ZMYND8: variants seen among roughly 807,000 people sequenced by gnomAD.
ZMYND8 encodes MYND-type zinc finger-containing chromatin reader ZMYND8.
In ZMYND8, 37 loss-of-function variants were observed where a neutral mutation model predicts 140.8. That is an observed-to-expected ratio of 0.26 (90% CI 0.20 to 0.35). The LOEUF is 0.35. ZMYND8 is among the 10% of genes least tolerant of loss of function. The pLI is 1.00. For missense variants in ZMYND8, 1,068 were observed against 1,570.0 expected (o/e 0.68, Z 5.40); for synonymous variants, 592 against 597.1 (o/e 0.99, Z 0.12).
intron 2 of ZMYND8, among the ~76,000 whole-genome samples, chr20:47,339,983 C>G (rs2081709008): frequency 6.6e-6 from 1 of 151,962 alleles, no homozygotes; most frequent in Admixed American, 6.6e-5. Context: ...CACTCTGTCA[C>G]CCAGGCTGGA....
chr20:47,248,975 G>GAAA (rs1568987242), intron 13 of ZMYND8, among the ~76,000 whole-genome samples: 1 of 151,616 alleles, frequency 6.6e-6, no homozygotes, highest in South Asian at 2.1e-4. Context: ...GATGCGTACT[G>GAAA]AGGAGAGCAG....
chr20:47,243,839 C>T (rs914056022), intron 14 of ZMYND8, among the ~76,000 whole-genome samples: 3 of 152,156 alleles, frequency 2.0e-5, no homozygotes, highest in South Asian at 2.1e-4. Context: ...AATATTCCTA[C>T]GATCCTCATG....
chr20:47,213,855 G>A (rs1291655089), intron 21 of ZMYND8, among the ~76,000 whole-genome samples: 1 of 152,204 alleles, frequency 6.6e-6, no homozygotes, highest in African/African-American at 2.4e-5. Flanking sequence ...GTATAGCCAA[G>A]TACATTATTT....
chr20:47,318,529 G>C (rs1180418449), intron 2 of ZMYND8: 4 of 359,832 alleles, frequency 1.1e-5, no homozygotes, highest in Non-Finnish European at 2.2e-5. Context: ...CAGGAGCAAA[G>C]GTTGGGGGTG....
chr20:47,307,591 TG>T (rs1194076806), intron 3 of ZMYND8, among the ~76,000 whole-genome samples: 3 of 151,984 alleles, frequency 2.0e-5, no homozygotes, highest in Admixed American at 6.6e-5. Flanking sequence ...GAGGGTAGGC[TG>T]GGCACAGTGG....
At chr20:47,265,215 G>A (rs761021) in intron 11 of ZMYND8, among the ~76,000 whole-genome samples, 40,864 of 151,682 alleles carry the variant, frequency 0.27, 7,449 homozygotes, top group African/African-American at 0.52. Context: ...ATTAAAGACC[G>A]GGGCTTCTCT....
At chr20:47,348,169 T>C in intron 1 of ZMYND8, 1 of 521,256 alleles carries the variant, frequency 1.9e-6, no homozygotes, top group Non-Finnish European at 3.5e-6. Context: ...GTCATGCTAT[T>C]GGGGAATGCA....
intron 12 of ZMYND8, among the ~76,000 whole-genome samples, chr20:47,254,952 C>T (rs1244378813): frequency 6.6e-6 from 1 of 152,070 alleles, no homozygotes; most frequent in East Asian, 1.9e-4. Context: ...CACGGTGAAA[C>T]CCCGTCTCTA....
chr20:47,322,926 G>A (rs938215357), intron 2 of ZMYND8, among the ~76,000 whole-genome samples: 10 of 152,158 alleles, frequency 6.6e-5, no homozygotes, highest in East Asian at 1.9e-4. Context: ...ATTGGCCAAC[G>A]TCAACACAGC....
chr20:47,280,121 C>A (rs902794217), intron 10 of ZMYND8, among the ~76,000 whole-genome samples: 1 of 123,486 alleles, frequency 8.1e-6, no homozygotes, highest in Non-Finnish European at 1.7e-5. Flanking sequence ...CAAGACTCTG[C>A]TCCAAAAAAA....
rs749490002 is a variant in ZMYND8 at position 47,249,377 on chromosome 20, G to A, written c.1684C>T (p.Pro562Ser). ...CGCTTGGGAGAGATGAGAGGAACAG[G>A]GGTGGACTGTTGCTGGACCGACTCG... Reference protein sequence around the residue: ...LSESVQQQSTPVPLISPKRQI... With the variant: ...LSESVQQQSTSVPLISPKRQI... Residue 562 changes from proline to serine, a missense_variant, in exon 13 of 23, where the codon CCT becomes TCT. By Grantham distance (74) the Pro-to-Ser change is moderately conservative. Transcript: ENST00000471951. 1.2e-6 allele frequency: 2 copies of A among 1,614,114 alleles called. No homozygotes were observed.
intron 1 of ZMYND8, chr20:47,355,313 CT>C (rs1426610762): frequency 2.9e-6 from 1 of 350,508 alleles, no homozygotes; most frequent in African/African-American, 2.2e-5. Context: ...TCAAGACACT[CT>C]TTAAAAAGCC....
chr20:47,305,338 TGAA>T (rs1345704745), intron 3 of ZMYND8, among the ~76,000 whole-genome samples: 8 of 151,812 alleles, frequency 5.3e-5, no homozygotes, highest in African/African-American at 1.9e-4. Context: ...CCTCCGAGGT[TGAA>T]GCGATTCTCA....
In ZMYND8 at chr20:47,221,350, C is replaced by T. The variant is rs777072846; in HGVS notation, c.3381G>A (p.Lys1127=). 3.1e-6 allele frequency: 5 copies of T among 1,614,176 alleles called. No homozygotes were observed. In the Admixed American group the frequency reaches 5.0e-5, roughly 16 times the overall value. ...CCTTGCTTTTCTCAGCTGACGTCTCCTTCTCTTTGGAGGCGCTGGCCGTTT... is the reference window on the plus strand; with the variant it reads ...CCTTGCTTTTCTCAGCTGACGTCTCTTTCTCTTTGGAGGCGCTGGCCGTTT... ...PSETASASKE[K]ETSAEKSKES... is the part of the protein sequence containing the mutation. Residue 1127 remains lysine (K), a synonymous_variant, in exon 20 of 23, where the codon AAG becomes AAA. Transcript: ENST00000471951.
chr20:47,304,772 A>G (rs1440135469), intron 3 of ZMYND8, among the ~76,000 whole-genome samples: 2 of 152,222 alleles, frequency 1.3e-5, no homozygotes, highest in Non-Finnish European at 2.9e-5. Flanking sequence ...TGGGGGAGAC[A>G]GCAGGGCTGG....
intron 21 of ZMYND8, among the ~76,000 whole-genome samples, 157 bp downstream of exon 21, chr20:47,220,101 C>T (rs1195805431): frequency 6.6e-6 from 1 of 151,302 alleles, no homozygotes; most frequent in Non-Finnish European, 1.5e-5. Context: ...GCTCAGCTAC[C>T]CCCTCACCCC....
chr20:47,242,670 T>C (rs2040114761), intron 14 of ZMYND8, among the ~76,000 whole-genome samples: 1 of 152,198 alleles, frequency 6.6e-6, no homozygotes, highest in African/African-American at 2.4e-5. Flanking sequence ...GGCGGAGGGG[T>C]TACTGCTCTG....
chr20:47,273,049 C>T lies in ZMYND8; in HGVS notation c.1480+3265G>A, dbSNP rs565955228. Among the ~76,000 whole-genome samples, 5 of 152,300 alleles carry T rather than the reference C, an allele frequency of 3.3e-5. 1 individual carries two copies. The South Asian group carries it at 1.0e-3, about 32-fold the overall frequency. On this transcript the variant is annotated intron_variant, in intron 11 of 22. Coordinates refer to ENST00000471951, the MANE Select transcript of ZMYND8 (RefSeq NM_001281775.3). The stretch of plus-strand genomic sequence containing the variant: ...CAGAATCTGGCTGTGGGGACTTTCA[C>T]ACCTCCCTTACACTCTGCATGGCTC...
chr20:47,290,354 T>C, intron 6 of ZMYND8, 80 bp from the exon 7 acceptor site: 1 of 1,314,482 alleles, frequency 7.6e-7, no homozygotes, highest in Non-Finnish European at 1.1e-6. Flanking sequence ...CCCACATAAT[T>C]TTTGTAGCAG....
Sources: gnomAD v4.1 joint callset for allele counts (sites outside exome capture counted in the v4.1 genomes callset) on GRCh38, gnomAD v4.1.1 for gene constraint, MANE v1.5 for transcripts, NCBI Gene and HGNC (gene_info 2026-07-23, HGNC 2026-07-21) for gene names.